Variants in NEDD8 observed in about 807,000 individuals in gnomAD.
The protein encoded by NEDD8 is NEDD8 ubiquitin like modifier, also known as ubiquitin-like protein NEDD8.
Under a neutral mutation model 13.8 loss-of-function variants are expected in NEDD8, and 1 was observed. The observed-to-expected ratio is 0.07, with a 90% CI of 0.03 to 0.34. The LOEUF (loss-of-function observed/expected upper bound fraction) is 0.34. Ranked by LOEUF, NEDD8 falls within the 10% of genes least tolerant of loss-of-function variation. The probability of loss-of-function intolerance (pLI) is 0.99; values close to 1 mark genes in which losing one functional copy is unlikely to be tolerated. For synonymous variants in NEDD8, 31 were observed against 33.2 expected (o/e 0.93, Z 0.23); for missense variants, 10 against 95.2 (o/e 0.10, Z 3.73).
intron 1 of NEDD8, among the ~76,000 whole-genome samples, chr14:24,221,579 C>A (rs776284815): frequency 1.3e-5 from 2 of 151,546 alleles, no homozygotes; most frequent in Non-Finnish European, 2.9e-5. Context: ...CGTGCCTGGC[C>A]GATAATACAA....
At position 24,232,315 on chromosome 14, in the gene NEDD8, G is replaced by C; in HGVS notation, c.-48C>G. The C allele has an allele frequency of 6.3e-7, 1 of 1,596,584 alleles. No homozygotes were observed. Among genetic ancestry groups the C allele is most frequent in the Non-Finnish European group, 8.5e-7 (1 of 1,173,636 alleles). ...ACACGGATAAATTGCTGCTCCTACC[G>C]CTCCGGTCGCCGCTGCCGCCCTCCA... On this transcript the variant is annotated 5_prime_UTR_variant, in exon 1 of 4. Transcript: ENST00000250495.
At chr14:24,218,025 T>A (rs2138879534) in intron 3 of NEDD8, 108 bp downstream of exon 3, 1 of 1,435,928 alleles carries the variant, frequency 7.0e-7, no homozygotes, top group African/African-American at 1.4e-5. Context: ...CAAAGAGTCT[T>A]AGGCACCAAA....
chr14:24,226,292 G>A (rs576532552), intron 1 of NEDD8, among the ~76,000 whole-genome samples: 2 of 152,050 alleles, frequency 1.3e-5, no homozygotes, highest in Admixed American at 6.6e-5. Flanking sequence ...AGGAGTTCGA[G>A]ACCAGCATGG....
At position 24,217,549 on chromosome 14, in the gene NEDD8, C is replaced by T. The variant is rs1351090509; in HGVS notation, c.150-326G>A. Among the ~76,000 whole-genome samples, 3 of 152,194 alleles carry T rather than the reference C, an allele frequency of 2.0e-5. No individual in the cohort carries two copies. The East Asian group carries it at 5.8e-4, about 29-fold the overall frequency. The stretch of plus-strand genomic sequence containing the variant: ...AGGTGATCCACCCCCTTCAGCCTCC[C>T]AAAGTGCTGGGATTACAGGCGTGAG... On this transcript the variant is annotated intron_variant, in intron 3 of 3. Transcript: ENST00000250495.
intron 1 of NEDD8, among the ~76,000 whole-genome samples, chr14:24,219,454 C>T (rs917804670): frequency 2.2e-5 from 3 of 135,376 alleles, no homozygotes; most frequent in African/African-American, 8.5e-5. Context: ...CCACTGTACT[C>T]CAGCCTGGGC....
At position 24,217,000 on chromosome 14, in the gene NEDD8, C is replaced by G; in HGVS notation, c.*127G>C. The G allele has an allele frequency of 1.3e-6, 1 of 750,244 alleles. No homozygotes were observed. The highest frequency in any genetic ancestry group is 2.2e-6 in the Non-Finnish European group (1 of 458,654). The allele number at this position is 750,244 out of a possible 1,614,324, so 46.5% of individuals were successfully genotyped here. A position where few individuals can be genotyped will look rare whatever the true frequency, so the allele number is the denominator to read the frequency against. On this transcript the variant is annotated 3_prime_UTR_variant, in exon 4 of 4. Coordinates refer to ENST00000250495, the MANE Select transcript of NEDD8 (RefSeq NM_006156.3). ...CTGAATCCTGGGATCCTCACAGTCTCCCACCAGTAGACATACATTACTGGG... is the reference window on the plus strand; with the variant it reads ...CTGAATCCTGGGATCCTCACAGTCTGCCACCAGTAGACATACATTACTGGG...
chr14:24,219,475 C>CAAAAAAAAAAAAAAAAAAAA (rs59964484), intron 1 of NEDD8, among the ~76,000 whole-genome samples: 1 of 33,374 alleles, frequency 3.0e-5, no homozygotes, highest in Non-Finnish European at 5.4e-5. Context: ...AACACCCTCG[C>CAAAAAAAAAAAAAAAAAAAA]AAAAAAAAAA....
chr14:24,218,074 C>G, intron 3 of NEDD8, 59 bp downstream of exon 3: 26 of 1,609,876 alleles, frequency 1.6e-5, no homozygotes, highest in Non-Finnish European at 2.2e-5. Flanking sequence ...TACGTGCCCC[C>G]TCTCCTCTTC....
chr14:24,219,911 G>A (rs888462526), intron 1 of NEDD8, among the ~76,000 whole-genome samples: 2 of 152,170 alleles, frequency 1.3e-5, no homozygotes, highest in East Asian at 3.8e-4. Context: ...AAGCTGAGGT[G>A]GGTGGATTAC....
At chr14:24,219,475 CAAAAAAAAAAAAA>C (rs59964484) in intron 1 of NEDD8, among the ~76,000 whole-genome samples, 2 of 33,368 alleles carry the variant, frequency 6.0e-5, no homozygotes, top group African/African-American at 2.4e-4. Context: ...AACACCCTCG[CAAAAAAAAAAAAA>C]AAAAAAAAAA....
At chr14:24,231,894 C>CT in intron 1 of NEDD8, 1 of 277,592 alleles carries the variant, frequency 3.6e-6, no homozygotes. Context: ...GAGAGCAGCG[C>CT]TTACTCCAAG....
intron 1 of NEDD8, among the ~76,000 whole-genome samples, chr14:24,224,077 G>A (rs1320460203): frequency 4.6e-5 from 7 of 152,140 alleles, no homozygotes; most frequent in Non-Finnish European, 1.0e-4. Flanking sequence ...ACAGGCGCCC[G>A]CCACTACGCC....
At chr14:24,220,683 C>T (rs1163401152) in intron 1 of NEDD8, among the ~76,000 whole-genome samples, 1 of 152,168 alleles carries the variant, frequency 6.6e-6, no homozygotes, top group Non-Finnish European at 1.5e-5. Flanking sequence ...ACATTTAATC[C>T]TCCCAGTATT....
At chr14:24,227,033 T>C (rs957853794) in intron 1 of NEDD8, 2 of 152,180 alleles carry the variant, frequency 1.3e-5, no homozygotes, top group East Asian at 1.9e-4. Flanking sequence ...CAGATTACAG[T>C]AGACATTATG....
chr14:24,232,120 C>T (rs2040050536), intron 1 of NEDD8, 130 bp downstream of exon 1: 2 of 1,449,046 alleles, frequency 1.4e-6, no homozygotes, highest in South Asian at 2.5e-5. Flanking sequence ...CCACCCCTCG[C>T]GCGGAGCCCT....
At chr14:24,225,171 C>CAAAAAAAA (rs71281817) in intron 1 of NEDD8, among the ~76,000 whole-genome samples, 1 of 123,938 alleles carries the variant, frequency 8.1e-6, no homozygotes, top group Non-Finnish European at 1.7e-5. Context: ...GACTCTGTCT[C>CAAAAAAAA]AAAAAAAAAA....
chr14:24,231,414 G>A (rs1237277432), intron 1 of NEDD8, among the ~76,000 whole-genome samples: 1 of 139,008 alleles, frequency 7.2e-6, no homozygotes, highest in Non-Finnish European at 1.5e-5. Flanking sequence ...ATGAAATAAC[G>A]ATAGATTTAC....
chr14:24,217,363 C>T (rs538813487), intron 3 of NEDD8, 140 bp from the exon 4 acceptor site: 2 of 657,980 alleles, frequency 3.0e-6, no homozygotes, highest in African/African-American at 3.7e-5. Context: ...GATCTCAGCT[C>T]ACTGCAACTT....
chr14:24,232,271 C>G lies in NEDD8; in HGVS notation c.-4G>C. On this transcript the variant is annotated 5_prime_UTR_variant, in exon 1 of 4. Coordinates refer to ENST00000250495, the MANE Select transcript of NEDD8 (RefSeq NM_006156.3). The stretch of plus-strand genomic sequence containing the variant: ...CCACCTTCACTTTAATTAGCATCTT[C>G]TTTCCAGTTTGGGGCTGCACACGGA... 2.5e-6 allele frequency: 4 copies of G among 1,613,738 alleles called. No homozygotes were observed. The highest frequency in any genetic ancestry group is 1.7e-4 in the Middle Eastern group (1 of 6,058).
Sources: allele counts gnomAD v4.1 joint callset (sites outside exome capture counted in the v4.1 genomes callset), GRCh38; gene constraint gnomAD v4.1.1; transcripts MANE v1.5; gene names NCBI Gene and HGNC (gene_info 2026-07-23, HGNC 2026-07-21).